The following ESRRA variants were observed in gnomAD, a reference collection of about 807,000 sequenced individuals.
ESRRA encodes steroid hormone receptor ERR1.
In ESRRA, 7 loss-of-function variants were observed where a neutral mutation model predicts 35.6. That is an observed-to-expected ratio of 0.20 (90% confidence interval 0.11 to 0.37). ESRRA has a LOEUF of 0.37. Ranked by LOEUF, ESRRA falls within the 10% of genes least tolerant of loss-of-function variation. ESRRA has a pLI of 1.00. For synonymous variants in ESRRA, 223 were observed against 246.9 expected (o/e 0.90, Z 0.91); for missense variants, 378 against 561.7 (o/e 0.67, Z 3.31).
At position 64,315,039 on chromosome 11, in the gene ESRRA, C is replaced by G; in HGVS notation, c.781C>G (p.Leu261Val). Reference protein sequence around the residue: ...SLSLSDQMSVLQSVWMEVLVL... With the variant: ...SLSLSDQMSVVQSVWMEVLVL... ...GTCGCTGTCTGACCAGATGTCAGTA[C>G]TGCAGAGCGTGTGGATGGAGGTGCT... The change falls in exon 6 of 7, where the codon CTG becomes GTG. Residue 261 changes from leucine (L) to valine (V), a missense_variant. Physicochemically the swap from Leu to Val is conservative, Grantham distance 32. Around this residue, in one of 4 missense-constraint regions of ESRRA, gnomAD observed 284 missense variants for 411.7 expected, o/e 0.69. Coordinates refer to ENST00000000442, the MANE Select transcript of ESRRA (RefSeq NM_004451.5). 1 of 1,607,006 alleles carries G rather than the reference C, an allele frequency of 6.2e-7. No homozygotes were observed. The highest frequency in any genetic ancestry group is 8.5e-7 in the Non-Finnish European group (1 of 1,177,466).
In ESRRA at chr11:64,316,132, C is replaced by T. The variant is rs2035255936; in HGVS notation, c.*166C>T. 3.9e-6 allele frequency: 3 copies of T among 773,174 alleles called. No individual in the cohort carries two copies. Among genetic ancestry groups the T allele is most frequent in the Non-Finnish European group, 6.1e-6 (3 of 489,894 alleles). The allele number at this position is 773,174 out of a possible 1,614,324, so 47.9% of individuals were successfully genotyped here. ...AGGCCCCACGCCCTCTCCTCCCCCT[C>T]CTAGGGGGTGTCAGAAGCTGGGAAC... On this transcript the variant is annotated 3_prime_UTR_variant, in exon 7 of 7. Coordinates refer to ENST00000000442, the MANE Select transcript of ESRRA (RefSeq NM_004451.5).
At position 64,315,828 on chromosome 11, in the gene ESRRA, G is replaced by GGGCA; in HGVS notation, c.1138_1141dup (p.Leu381GlnfsTer60). 1.4e-6 allele frequency: 2 copies of GGGCA among 1,448,528 alleles called. No individual in the cohort carries two copies. Among genetic ancestry groups the GGGCA allele is most frequent in the Non-Finnish European group, 1.9e-6 (2 of 1,075,538 alleles). 89.7% of individuals were successfully genotyped at this position (1,448,528 alleles called of 1,614,324 possible). Reference sequence around the variant, plus strand: ...GAGGGGGTGCTGAGCGGCGGCGGGCGGGCAGGCTGCTGCTCACGCTACCGC... The same window carrying GGGCA: ...GAGGGGGTGCTGAGCGGCGGCGGGCGGGCAGGCAGGCTGCTGCTCACGCTACCGC... On this transcript the variant is annotated frameshift_variant, in exon 7 of 7. Transcript: ENST00000000442. LOFTEE classifies it high-confidence loss of function.
At chr11:64,311,572 C>T (rs1376239541) in intron 2 of ESRRA, among the ~76,000 whole-genome samples, 5 of 151,272 alleles carry the variant, frequency 3.3e-5, no homozygotes, top group African/African-American at 1.2e-4. Context: ...CATGGCACCA[C>T]GCACGGCTAA....
Position 64,308,231 on chromosome 11 carries a change from A to G in ESRRA, c.325+727A>G, listed in dbSNP as rs1283255876. Among the ~76,000 whole-genome samples the G allele has an allele frequency of 2.6e-5, 4 of 152,264 alleles. No individual in the cohort carries two copies. In the East Asian group the frequency reaches 7.7e-4, roughly 29 times the overall value. ...CCCAACTTTAAAAAGACTAACAGGCAAGGCCGGACACAGTTGCTCACACCT... is the reference window on the plus strand; with the variant it reads ...CCCAACTTTAAAAAGACTAACAGGCGAGGCCGGACACAGTTGCTCACACCT... On this transcript the variant is annotated intron_variant, in intron 2 of 6. Transcript: ENST00000000442.
chr11:64,315,593 T>TCAAC (rs1168059602), intron 6 of ESRRA, 114 bp from the exon 7 acceptor site: 15 of 1,414,290 alleles, frequency 1.1e-5, no homozygotes, highest in Middle Eastern at 2.0e-4. Context: ...AGTCAGCCAA[T>TCAAC]CAACAAATCC....
In ESRRA at chr11:64,314,787, T is replaced by C. The variant is rs779563029; in HGVS notation, c.618T>C (p.Pro206=). 1 of 1,612,212 alleles carries C rather than the reference T, an allele frequency of 6.2e-7. No homozygotes were observed. The highest frequency in any genetic ancestry group is 1.7e-5 in the Admixed American group (1 of 60,020). ...TGTCTCATCTGCTGGTGGTTGAGCCTGAGAAGCTCTATGCCATGCCTGACC... is the reference window on the plus strand; with the variant it reads ...TGTCTCATCTGCTGGTGGTTGAGCCCGAGAAGCTCTATGCCATGCCTGACC... ...ALVSHLLVVE[P]EKLYAMPDPA... The change falls in exon 5 of 7, where the codon CCT becomes CCC. Residue 206 remains proline, a synonymous_variant. Transcript: ENST00000000442.
intron 2 of ESRRA, 40 bp downstream of exon 2, chr11:64,307,544 C>A: frequency 7.0e-7 from 1 of 1,428,676 alleles, no homozygotes; most frequent in South Asian, 1.6e-5. Flanking sequence ...TGCCCTGCAC[C>A]CTCTGGGTAC....
chr11:64,311,820 G>C (rs2035145544), intron 2 of ESRRA, among the ~76,000 whole-genome samples: 1 of 151,740 alleles, frequency 6.6e-6, no homozygotes, highest in African/African-American at 2.4e-5. Flanking sequence ...AGCCTCCCGA[G>C]TAGCTGGGAC....
intron 4 of ESRRA, 52 bp downstream of exon 4, chr11:64,314,419 C>T: frequency 6.7e-7 from 1 of 1,483,706 alleles, no homozygotes; most frequent in Non-Finnish European, 9.0e-7. Context: ...CTATGTGTGG[C>T]ATCATAGTTA....
Position 64,308,493 on chromosome 11 carries a change from A to G in ESRRA, c.325+989A>G, listed in dbSNP as rs375388229. 2.1e-3 allele frequency among the ~76,000 whole-genome samples: 297 copies of G among 138,552 alleles called. 5 individuals carry two copies. The highest frequency in any genetic ancestry group is 0.018 in the East Asian group (75 of 4,204). The allele number at this position is 138,552 out of a possible 152,430, so 90.9% of individuals were successfully genotyped here. Reference sequence around the variant, plus strand: ...AGCCAAGATCACACCACTGTACTCCAGCCTGGGTGACAGAGCGAGATTCCA... The same window carrying G: ...AGCCAAGATCACACCACTGTACTCCGGCCTGGGTGACAGAGCGAGATTCCA... On this transcript the variant is annotated intron_variant, in intron 2 of 6. Coordinates refer to ENST00000000442, the MANE Select transcript of ESRRA (RefSeq NM_004451.5).
intron 4 of ESRRA, 151 bp from the exon 5 acceptor site, chr11:64,314,590 C>T (rs1479907368): frequency 1.1e-6 from 1 of 935,746 alleles, no homozygotes; most frequent in African/African-American, 1.7e-5. Flanking sequence ...CGGGCTTTCC[C>T]TGGGAGACAG....
rs575246508 is a variant in ESRRA at position 64,309,634 on chromosome 11, T to TA, written c.325+2147dup. Among the ~76,000 whole-genome samples, 838 of 124,624 alleles carry TA rather than the reference T, an allele frequency of 6.7e-3. 4 individuals carry two copies. The highest frequency in any genetic ancestry group is 0.015 in the South Asian group (61 of 4,030). 81.8% of individuals were successfully genotyped at this position (124,624 alleles called of 152,430 possible). On this transcript the variant is annotated intron_variant, in intron 2 of 6. Transcript: ENST00000000442. ...CTTTGGGGGCTATAACACGTATAAT[T>TA]AAAAAAAAAAAAAAAAAGGCCAAGT...
intron 2 of ESRRA, among the ~76,000 whole-genome samples, chr11:64,310,702 C>T (rs373153755): frequency 5.9e-5 from 9 of 152,020 alleles, no homozygotes; most frequent in African/African-American, 2.2e-4. Flanking sequence ...CGCCTGCCAC[C>T]ATGCCCGGCT....
chr11:64,310,536 GTTTT>G (rs1185768710), intron 2 of ESRRA, among the ~76,000 whole-genome samples: 2 of 100,498 alleles, frequency 2.0e-5, no homozygotes, highest in East Asian at 3.0e-4. Context: ...TCCTGGCCAG[GTTTT>G]TTTTTTTTTT....
rs535674495 is a variant in ESRRA, at chr11:64,306,915, C to T, written c.-12-253C>T. On this transcript the variant is annotated intron_variant, in intron 1 of 6. Transcript: ENST00000000442. The stretch of plus-strand genomic sequence containing the variant: ...TGGCCTGGGTGGGAGTAGGGGCTTT[C>T]TAAGCCTCCCCCAGGTTCCCAAGGG... 190 of 371,864 alleles carry T rather than the reference C, an allele frequency of 5.1e-4. 4 individuals carry two copies. The South Asian group carries it at 0.015, about 29-fold the overall frequency. The allele number at this position is 371,864 out of a possible 1,614,324, so 23.0% of individuals were successfully genotyped here.
rs2035184795 is a variant in ESRRA at position 64,313,740 on chromosome 11, C to T, written c.326-211C>T. The T allele has an allele frequency of 1.9e-6, 1 of 524,122 alleles. No homozygotes were observed. The highest frequency in any genetic ancestry group is 2.6e-5 in the South Asian group (1 of 37,856). 32.5% of individuals were successfully genotyped at this position (524,122 alleles called of 1,614,324 possible). A position where few individuals can be genotyped will look rare whatever the true frequency, so the allele number is the denominator to read the frequency against. On this transcript the variant is annotated intron_variant, in intron 2 of 6. Coordinates refer to ENST00000000442, the MANE Select transcript of ESRRA (RefSeq NM_004451.5). This position sits in a 1 kb window ranked among gnomAD's most constrained non-coding sequence, Gnocchi z 4.0. Reference sequence around the variant, plus strand: ...TGAGGCTTGGGGCTGAGATGCAGCCCCGCTGCCTGGTCCAGCTCCTCCCTC... The same window carrying T: ...TGAGGCTTGGGGCTGAGATGCAGCCTCGCTGCCTGGTCCAGCTCCTCCCTC...
At chr11:64,312,596 G>A (rs2035163276) in intron 2 of ESRRA, among the ~76,000 whole-genome samples, 1 of 152,252 alleles carries the variant, frequency 6.6e-6, no homozygotes, top group Non-Finnish European at 1.5e-5. Flanking sequence ...CATGTGCCAG[G>A]CCTCGTTGCT....
intron 2 of ESRRA, among the ~76,000 whole-genome samples, chr11:64,311,573 G>A (rs1488610967): frequency 6.6e-6 from 1 of 151,244 alleles, no homozygotes; most frequent in Non-Finnish European, 1.5e-5. Flanking sequence ...ATGGCACCAC[G>A]CACGGCTAAT....
chr11:64,313,675 G>A lies in ESRRA; in HGVS notation c.326-276G>A. ...ATTTAGCAATGCAGAGGTCCTTGTG[G>A]CCCTTGATGTCGGCAGATGAGGGCA... On this transcript the variant is annotated intron_variant, in intron 2 of 6. Transcript: ENST00000000442. The surrounding 1 kb of genome is among the most constrained non-coding windows in gnomAD (Gnocchi z 4.0). The A allele has an allele frequency of 2.6e-6, 1 of 383,754 alleles. No homozygotes were observed. Among genetic ancestry groups the A allele is most frequent in the Non-Finnish European group, 4.7e-6 (1 of 212,852 alleles). 23.8% of individuals were successfully genotyped at this position (383,754 alleles called of 1,614,324 possible).
Sources: gnomAD v4.1 joint callset for allele counts (sites outside exome capture counted in the v4.1 genomes callset) on GRCh38, gnomAD v4.1.1 for gene constraint, gnomAD v4.1.1 regional missense constraint, Gnocchi (gnomAD v3.1) non-coding constraint, MANE v1.5 for transcripts, NCBI Gene and HGNC (gene_info 2026-07-23, HGNC 2026-07-21) for gene names.